Variants in CYB5B observed in about 807,000 individuals in gnomAD.
The protein encoded by CYB5B is cytochrome b5 type B, also known as cytochrome b5 type B (outer mitochondrial membrane).
A neutral mutation model predicts 21.3 loss-of-function variants in CYB5B; 14 were observed. The ratio of observed to expected loss-of-function variants is 0.66; its 90% CI spans 0.43 to 1.03. CYB5B has a LOEUF of 1.03. CYB5B is among the 50% of genes least tolerant of loss of function. CYB5B has a pLI of 0.00. For missense variants in CYB5B, 166 were observed against 185.1 expected (o/e 0.90, Z 0.60); for synonymous variants, 69 against 68.4 (o/e 1.01, Z -0.04).
intron 1 of CYB5B, among the ~76,000 whole-genome samples, chr16:69,425,707 C>G (rs1481551375): frequency 2.6e-5 from 4 of 152,124 alleles, no homozygotes; most frequent in Non-Finnish European, 5.9e-5. Flanking sequence ...AAAAAGCTTC[C>G]TTTCCCTTTG....
chr16:69,455,759 T>C (rs538770394), intron 3 of CYB5B, among the ~76,000 whole-genome samples: 2 of 152,182 alleles, frequency 1.3e-5, no homozygotes, highest in East Asian at 3.9e-4. Flanking sequence ...GTGCTTATGG[T>C]GCGACAAGGA....
intron 3 of CYB5B, among the ~76,000 whole-genome samples, chr16:69,453,642 G>A (rs1248567369): frequency 7.9e-5 from 12 of 152,186 alleles, no homozygotes; most frequent in Admixed American, 3.9e-4. Flanking sequence ...TGCAACCTCC[G>A]CCTCCTGGGT....
intron 1 of CYB5B, among the ~76,000 whole-genome samples, chr16:69,434,532 C>A (rs7199957): frequency 0.17 from 26,240 of 152,206 alleles, 2,375 homozygotes; most frequent in Middle Eastern, 0.25. Context: ...TTCATTGATA[C>A]ATTGTATTTG....
At chr16:69,443,573 G>A (rs117274281) in intron 1 of CYB5B, 4,339 of 152,876 alleles carry the variant, frequency 0.028, 91 homozygotes, top group Non-Finnish European at 0.046. Context: ...CCAGAGGGTC[G>A]GCCGGGTGCA....
At chr16:69,452,365 C>T (rs112882325) in intron 3 of CYB5B, among the ~76,000 whole-genome samples, 10,060 of 150,872 alleles carry the variant, frequency 0.067, 409 homozygotes, top group Middle Eastern at 0.11. Context: ...CTATTCTTCA[C>T]CTTGCTTCTC....
intron 3 of CYB5B, among the ~76,000 whole-genome samples, chr16:69,450,744 C>T (rs2014923663): frequency 6.6e-6 from 1 of 152,170 alleles, no homozygotes; most frequent in African/African-American, 2.4e-5. Context: ...TCTCTTGGTT[C>T]ATGGTTTCTG....
In CYB5B at chr16:69,465,524, C is replaced by T. The variant is rs2015080452; in HGVS notation, c.*3004C>T. On this transcript the variant is annotated 3_prime_UTR_variant, in exon 5 of 5. Coordinates refer to ENST00000307892, the MANE Select transcript of CYB5B (RefSeq NM_030579.3). ...AAAACAAAAATCCCTTGGAACCTAT[C>T]GTTTGAGCCTGTAAAGTTGTTTTAG... is the stretch of plus-strand genomic sequence containing the variant. 6.6e-6 allele frequency: 1 copy of T among 152,182 alleles called. No individual in the cohort carries two copies. The highest frequency in any genetic ancestry group is 2.4e-5 in the African/African-American group (1 of 41,442). 9.4% of individuals were successfully genotyped at this position (152,182 alleles called of 1,614,324 possible).
chr16:69,446,849 C>A (rs1040826186), intron 1 of CYB5B, among the ~76,000 whole-genome samples: 1 of 152,180 alleles, frequency 6.6e-6, no homozygotes, highest in African/African-American at 2.4e-5. Flanking sequence ...CTTTGACTTT[C>A]ATGACTGTGG....
intron 1 of CYB5B, among the ~76,000 whole-genome samples, chr16:69,440,035 A>AT (rs1319966977): frequency 6.6e-6 from 1 of 151,732 alleles, no homozygotes; most frequent in Admixed American, 6.6e-5. Context: ...CACCTGGCCA[A>AT]TTTTTTTAGT....
At chr16:69,431,674 G>C (rs2014707698) in intron 1 of CYB5B, among the ~76,000 whole-genome samples, 1 of 152,058 alleles carries the variant, frequency 6.6e-6, no homozygotes, top group African/African-American at 2.4e-5. Context: ...CAGGAGGCAG[G>C]GGTGGGAGAA....
At chr16:69,434,123 C>G (rs1018665925) in intron 1 of CYB5B, among the ~76,000 whole-genome samples, 3 of 152,218 alleles carry the variant, frequency 2.0e-5, no homozygotes, top group African/African-American at 7.2e-5. Flanking sequence ...CATTTTATTT[C>G]TAACACTATA....
intron 2 of CYB5B, 130 bp downstream of exon 2, chr16:69,447,408 A>G: frequency 1.6e-6 from 2 of 1,247,704 alleles, no homozygotes; most frequent in Non-Finnish European, 2.2e-6. Context: ...TTGGGATGCC[A>G]AGGCAGGCGG....
intron 1 of CYB5B, among the ~76,000 whole-genome samples, chr16:69,427,017 A>G (rs773272635): frequency 6.6e-6 from 1 of 152,214 alleles, no homozygotes; most frequent in Admixed American, 6.5e-5. Context: ...AGGCGGGCAG[A>G]TCACCTGAGT....
intron 1 of CYB5B, among the ~76,000 whole-genome samples, chr16:69,425,321 C>G (rs1160327018): frequency 6.7e-6 from 1 of 149,630 alleles, no homozygotes; most frequent in Non-Finnish European, 1.5e-5. Context: ...AGATTTCTCT[C>G]CACACGCTTC....
intron 1 of CYB5B, among the ~76,000 whole-genome samples, chr16:69,445,304 A>T (rs749812681): frequency 2.6e-5 from 4 of 152,232 alleles, no homozygotes; most frequent in Non-Finnish European, 2.9e-5. Flanking sequence ...ATTCTTAAAT[A>T]CTGGGATGTG....
intron 1 of CYB5B, among the ~76,000 whole-genome samples, chr16:69,441,216 C>G (rs1309303779): frequency 6.7e-6 from 1 of 148,948 alleles, no homozygotes; most frequent in Non-Finnish European, 1.5e-5. Context: ...TGCAGTGGCA[C>G]AATCTCAGCT....
chr16:69,439,244 G>A (rs2014794777), intron 1 of CYB5B, among the ~76,000 whole-genome samples: 1 of 152,052 alleles, frequency 6.6e-6, no homozygotes, highest in Admixed American at 6.6e-5. Context: ...AATAGACTTG[G>A]CATCCTTGTG....
At chr16:69,460,742 C>T (rs78199628) in intron 4 of CYB5B, among the ~76,000 whole-genome samples, 4,307 of 151,934 alleles carry the variant, frequency 0.028, 87 homozygotes, top group East Asian at 0.063. Context: ...CAGTGTTATT[C>T]GAGATATTCA....
At chr16:69,436,943 C>T (rs533774605) in intron 1 of CYB5B, among the ~76,000 whole-genome samples, 41 of 152,280 alleles carry the variant, frequency 2.7e-4, no homozygotes, top group Admixed American at 2.0e-3. Context: ...AATTTGTCCT[C>T]TTCTTTGTTG....
Sources: gnomAD v4.1 joint callset for allele counts (sites outside exome capture counted in the v4.1 genomes callset) on GRCh38, gnomAD v4.1.1 for gene constraint, MANE v1.5 for transcripts, NCBI Gene and HGNC (gene_info 2026-07-23, HGNC 2026-07-21) for gene names.